The following PALLD variants were observed in gnomAD, a reference collection of about 807,000 sequenced individuals.
PALLD encodes the protein palladin, cytoskeletal associated protein, also known as palladin.
Under a neutral mutation model 123.5 loss-of-function variants are expected in PALLD, and 61 were observed. The observed-to-expected ratio is 0.49, with a 90% CI of 0.40 to 0.61. PALLD has a LOEUF of 0.61. PALLD is among the 20% of genes least tolerant of loss of function. The pLI, the probability that PALLD is intolerant of heterozygous loss-of-function variation, is 0.00. For synonymous variants in PALLD, 465 were observed against 496.4 expected, an observed-to-expected ratio of 0.94 and a Z score of 0.84; for missense variants, 1,273 against 1,377.0, an observed-to-expected ratio of 0.92 and a Z score of 1.20.
At chr4:168,835,220 C>T (rs955285141) in intron 10 of PALLD, among the ~76,000 whole-genome samples, 5 of 152,200 alleles carry the variant, frequency 3.3e-5, no homozygotes, top group East Asian at 3.9e-4. Flanking sequence ...TCAAGAGATC[C>T]GGATAAACTC....
intron 18 of PALLD, among the ~76,000 whole-genome samples, chr4:168,923,130 A>G (rs1322963119): frequency 2.0e-5 from 3 of 152,238 alleles, no homozygotes; most frequent in Non-Finnish European, 4.4e-5. Flanking sequence ...TTGCTATGAC[A>G]TTAAGACTTG....
At chr4:168,746,380 C>CAAAAAAAAAAAAAAAAAAAAAAAA (rs747755592) in intron 10 of PALLD, among the ~76,000 whole-genome samples, 3 of 37,016 alleles carry the variant, frequency 8.1e-5, no homozygotes, top group African/African-American at 2.3e-4. Context: ...GAACCCGTCT[C>CAAAAAAAAAAAAAAAAAAAAAAAA]AAAAAAAAAA....
At chr4:168,590,575 T>C (rs1177936377) in intron 2 of PALLD, among the ~76,000 whole-genome samples, 1 of 152,176 alleles carries the variant, frequency 6.6e-6, no homozygotes, top group African/African-American at 2.4e-5. Context: ...AATGAAATAT[T>C]TAGTGGCTTT....
chr4:168,706,819 G>A (rs1784275855), intron 8 of PALLD, among the ~76,000 whole-genome samples: 2 of 152,000 alleles, frequency 1.3e-5, no homozygotes, highest in Non-Finnish European at 2.9e-5. Context: ...GATAATACTT[G>A]GACAAATTTT....
chr4:168,553,000 T>C (rs1214396593), intron 2 of PALLD, among the ~76,000 whole-genome samples: 3 of 152,088 alleles, frequency 2.0e-5, no homozygotes, highest in Non-Finnish European at 4.4e-5. Flanking sequence ...ATTGTGCTAA[T>C]ACTTCATATG....
At chr4:168,797,109 T>C (rs574867849) in intron 10 of PALLD, among the ~76,000 whole-genome samples, 233 of 152,314 alleles carry the variant, frequency 1.5e-3, no homozygotes, top group Non-Finnish European at 2.4e-3. Context: ...TCACTTATGA[T>C]TTTGACCTGT....
chr4:168,745,666 G>A (rs1047855546), intron 10 of PALLD, among the ~76,000 whole-genome samples: 2 of 152,068 alleles, frequency 1.3e-5, no homozygotes, highest in African/African-American at 2.4e-5. Context: ...TGTGTTAAGA[G>A]TTCTCTTCTA....
At chr4:168,560,015 A>G (rs1767708240) in intron 2 of PALLD, among the ~76,000 whole-genome samples, 1 of 152,218 alleles carries the variant, frequency 6.6e-6, no homozygotes, top group African/African-American at 2.4e-5. Flanking sequence ...TATGAAATTC[A>G]AATAGCATCT....
chr4:168,542,781 G>C (rs1220219667), intron 2 of PALLD, among the ~76,000 whole-genome samples: 3 of 140,936 alleles, frequency 2.1e-5, no homozygotes, highest in Admixed American at 7.0e-5. Flanking sequence ...AAGAGAGAGA[G>C]AGAGCTTAGG....
intron 10 of PALLD, among the ~76,000 whole-genome samples, chr4:168,854,655 A>G (rs1216616098): frequency 1.3e-5 from 2 of 152,208 alleles, no homozygotes; most frequent in Non-Finnish European, 2.9e-5. Context: ...AATGGCCCAT[A>G]TCTGACTGCC....
At chr4:168,838,093 T>G (rs994511619) in intron 10 of PALLD, among the ~76,000 whole-genome samples, 3 of 152,212 alleles carry the variant, frequency 2.0e-5, no homozygotes, top group African/African-American at 4.8e-5. Context: ...ACCCATTTTA[T>G]GTCGTAACAC....
intron 3 of PALLD, among the ~76,000 whole-genome samples, chr4:168,670,658 G>A (rs1180938232): frequency 2.0e-5 from 3 of 148,956 alleles, no homozygotes; most frequent in Admixed American, 6.7e-5. Flanking sequence ...GCGTGAACCC[G>A]GGAAGCGGAG....
At chr4:168,709,741 G>A (rs972918738) in intron 9 of PALLD, among the ~76,000 whole-genome samples, 4 of 151,870 alleles carry the variant, frequency 2.6e-5, no homozygotes, top group African/African-American at 9.7e-5. Context: ...TAAGTTCATC[G>A]TGAAACAAAG....
At chr4:168,571,920 G>C (rs1298269443) in intron 2 of PALLD, among the ~76,000 whole-genome samples, 1 of 152,144 alleles carries the variant, frequency 6.6e-6, no homozygotes, top group Non-Finnish European at 1.5e-5. Flanking sequence ...GCCTGACTGA[G>C]TTACAGCATT....
At chr4:168,763,136 C>T (rs1733182385) in intron 10 of PALLD, among the ~76,000 whole-genome samples, 1 of 152,182 alleles carries the variant, frequency 6.6e-6, no homozygotes, top group African/African-American at 2.4e-5. Flanking sequence ...CAAACGTGGA[C>T]ATTCTGCACG....
Position 168,720,302 on chromosome 4 carries a change from G to C in PALLD, c.1964+8379G>C, listed in dbSNP as rs1481509781. 2.0e-5 allele frequency among the ~76,000 whole-genome samples: 3 copies of C among 152,178 alleles called. No individual in the cohort carries two copies. In the East Asian group the frequency reaches 5.8e-4, roughly 29 times the overall value. On this transcript the variant is annotated intron_variant, in intron 10 of 21. Coordinates refer to ENST00000505667, the MANE Select transcript of PALLD (RefSeq NM_001166108.2). ...AAATGCCTTCTCTTCCCACTTTAAT[G>C]TTTGAAAGATACATCATTCAGTTTT...
intron 10 of PALLD, among the ~76,000 whole-genome samples, chr4:168,771,085 A>AGC (rs1561505185): frequency 6.7e-6 from 1 of 149,608 alleles, no homozygotes; most frequent in Non-Finnish European, 1.5e-5. Context: ...ACAAAAAAAA[A>AGC]ACCTTAGTTT....
At chr4:168,655,029 A>T (rs1778421255) in intron 2 of PALLD, among the ~76,000 whole-genome samples, 1 of 152,168 alleles carries the variant, frequency 6.6e-6, no homozygotes, top group African/African-American at 2.4e-5. Context: ...TCACTTTTTT[A>T]AAAAATGAAG....
intron 10 of PALLD, among the ~76,000 whole-genome samples, chr4:168,725,522 C>CTTTTTTT (rs1210834634): frequency 6.5e-4 from 60 of 91,648 alleles, no homozygotes; most frequent in Non-Finnish European, 7.6e-4. Context: ...TCTTTAATTT[C>CTTTTTTT]TTTTTTTTTT....
Sources: gnomAD v4.1 joint callset for allele counts (sites outside exome capture counted in the v4.1 genomes callset) on GRCh38, gnomAD v4.1.1 for gene constraint, MANE v1.5 for transcripts, NCBI Gene and HGNC (gene_info 2026-07-23, HGNC 2026-07-21) for gene names.